Variants in CACNB2 observed in about 807,000 individuals in gnomAD.
CACNB2 encodes the protein calcium voltage-gated channel auxiliary subunit beta 2.
CACNB2 carries 42 observed loss-of-function variants against 73.3 expected under a neutral mutation model. The ratio of observed to expected loss-of-function variants is 0.57; its 90% confidence interval spans 0.45 to 0.74. The LOEUF is 0.74. CACNB2 is among the 30% of genes least tolerant of loss of function. The pLI, the probability that CACNB2 is intolerant of heterozygous loss-of-function variation, is 0.00. For synonymous variants in CACNB2, 348 were observed against 310.3 expected, an observed-to-expected ratio of 1.12 and a Z score of -1.28; for missense variants, 940 against 853.0, an observed-to-expected ratio of 1.10 and a Z score of -1.27.
intron 3 of CACNB2, among the ~76,000 whole-genome samples, chr10:18,498,153 G>C (rs926504325): frequency 2.6e-5 from 4 of 152,162 alleles, no homozygotes; most frequent in African/African-American, 7.2e-5. Context: ...TTCTAGTTCA[G>C]AAATGGGTGT....
In CACNB2 at chr10:18,382,571, G is replaced by A. The variant is rs545051358; in HGVS notation, c.214-19353G>A. 5.3e-5 allele frequency among the ~76,000 whole-genome samples: 8 copies of A among 152,110 alleles called. No homozygotes were observed. The East Asian group carries it at 1.2e-3, about 22-fold the overall frequency. ...CACCCACCAACAGGCCCCAGTGTGC[G>A]TTGTTCCCCTCCCTGTGTCCGTGTG... On this transcript the variant is annotated intron_variant, in intron 2 of 13. Transcript: ENST00000324631.
intron 2 of CACNB2, among the ~76,000 whole-genome samples, chr10:18,283,368 C>T (rs1462609445): frequency 1.3e-5 from 2 of 152,050 alleles, no homozygotes; most frequent in Non-Finnish European, 2.9e-5. Flanking sequence ...GACACATGCA[C>T]AGGTATATTT....
intron 3 of CACNB2, among the ~76,000 whole-genome samples, chr10:18,410,410 A>G (rs1408247421): frequency 6.6e-6 from 1 of 152,218 alleles, no homozygotes; most frequent in Non-Finnish European, 1.5e-5. Flanking sequence ...TAGTTCATAA[A>G]TGCCTTACAG....
At chr10:18,499,339 T>G (rs536150425) in intron 4 of CACNB2, among the ~76,000 whole-genome samples, 11 of 152,138 alleles carry the variant, frequency 7.2e-5, no homozygotes, top group African/African-American at 9.7e-5. Flanking sequence ...AACCTAGGGC[T>G]GGGCCCGGTG....
rs1025783003 is a variant in CACNB2, at chr10:18,534,284, T to C, written c.1206+57T>C. On this transcript the variant is annotated intron_variant, in intron 11 of 13. Coordinates refer to ENST00000324631, the MANE Select transcript of CACNB2 (RefSeq NM_201596.3). The stretch of plus-strand genomic sequence containing the variant: ...TCAAACTTTCCTAAAATGTATTTTA[T>C]GTTCTGCTTTCTATAATTAGGCTAT... The C allele has an allele frequency of 3.5e-6, 5 of 1,417,840 alleles. No individual in the cohort carries two copies. In the African/African-American group the frequency reaches 7.0e-5, roughly 20 times the overall value. The allele number at this position is 1,417,840 out of a possible 1,614,324, so 87.8% of individuals were successfully genotyped here.
At chr10:18,224,418 C>T (rs1432044684) in intron 2 of CACNB2, 3 of 151,656 alleles carry the variant, frequency 2.0e-5, no homozygotes, top group Admixed American at 6.6e-5. Context: ...GAGTTTCATA[C>T]AAAATTAAAG....
intron 2 of CACNB2, among the ~76,000 whole-genome samples, chr10:18,401,637 T>C (rs971631370): frequency 6.6e-6 from 1 of 152,192 alleles, no homozygotes. Context: ...CACTGCACCA[T>C]CAAGCTGTTT....
chr10:18,381,978 C>T (rs1424719098), intron 2 of CACNB2, among the ~76,000 whole-genome samples: 1 of 151,942 alleles, frequency 6.6e-6, no homozygotes, highest in African/African-American at 2.4e-5. Flanking sequence ...ATGACAAGCA[C>T]AAAAGCATAA....
At chr10:18,493,548 A>G (rs573590896) in intron 3 of CACNB2, among the ~76,000 whole-genome samples, 7 of 152,146 alleles carry the variant, frequency 4.6e-5, no homozygotes, top group African/African-American at 1.7e-4. Flanking sequence ...TTATCAAGGG[A>G]TGACTATACA....
At chr10:18,249,391 A>G (rs1387881327) in intron 2 of CACNB2, among the ~76,000 whole-genome samples, 2 of 149,676 alleles carry the variant, frequency 1.3e-5, no homozygotes, top group African/African-American at 2.5e-5. Context: ...CTATTCCAAG[A>G]AAAAAAAATG....
chr10:18,229,200 T>G (rs992407497), intron 2 of CACNB2, among the ~76,000 whole-genome samples: 8 of 152,212 alleles, frequency 5.3e-5, no homozygotes, highest in African/African-American at 1.7e-4. Flanking sequence ...ATGCATAATA[T>G]TAGAATATTA....
chr10:18,305,641 C>T (rs1185531722), intron 2 of CACNB2, among the ~76,000 whole-genome samples: 2 of 152,098 alleles, frequency 1.3e-5, no homozygotes, highest in African/African-American at 2.4e-5. Flanking sequence ...AGTTAGTTTT[C>T]AAGACAAACT....
intron 2 of CACNB2, among the ~76,000 whole-genome samples, chr10:18,289,481 A>C (rs185183241): frequency 2.0e-4 from 30 of 151,820 alleles, no homozygotes; most frequent in African/African-American, 6.8e-4. Context: ...TTTTTAGTAG[A>C]GATGGAGTTT....
intron 2 of CACNB2, chr10:18,340,791 C>G (rs1050966534): frequency 1.3e-6 from 2 of 1,589,530 alleles, no homozygotes; most frequent in African/African-American, 2.7e-5. Flanking sequence ...ACACCCCAAG[C>G]CAGCAAGAAA....
chr10:18,214,911 T>C (rs2035453655), intron 2 of CACNB2, among the ~76,000 whole-genome samples: 1 of 152,186 alleles, frequency 6.6e-6, no homozygotes, highest in South Asian at 2.1e-4. Context: ...ACGCCAGGGA[T>C]TTTTTGCCCA....
At chr10:18,285,867 T>A (rs75700087) in intron 2 of CACNB2, among the ~76,000 whole-genome samples, 2,831 of 152,318 alleles carry the variant, frequency 0.019, 89 homozygotes, top group African/African-American at 0.066. Context: ...ATCATAACCT[T>A]ACAGATGAAA....
At position 18,462,036 on chromosome 10, in the gene CACNB2, C is replaced by T. The variant is rs201411739; in HGVS notation, c.334-36319C>T. Among the ~76,000 whole-genome samples, 6 of 152,096 alleles carry T rather than the reference C, an allele frequency of 3.9e-5. No individual in the cohort carries two copies. In the East Asian group the frequency reaches 1.2e-3, roughly 29 times the overall value. On this transcript the variant is annotated intron_variant, in intron 3 of 13. Coordinates refer to ENST00000324631, the MANE Select transcript of CACNB2 (RefSeq NM_201596.3). ...CACCCTCACAGCCAGGAATCTATCC[C>T]GTTCTAGAGAATCGGTACTGTGTTT...
In CACNB2 at chr10:18,539,211, G is replaced by T; in HGVS notation, c.1489-19G>T. 1 of 1,613,918 alleles carries T rather than the reference G, an allele frequency of 6.2e-7. No individual in the cohort carries two copies. The highest frequency in any genetic ancestry group is 1.3e-5 in the African/African-American group (1 of 75,002). On this transcript the variant is annotated intron_variant, in intron 13 of 13. Transcript: ENST00000324631. ...ACACTGACCTTGGTTAACGCCTGGT[G>T]TGCTCCTTTCGCTGCCAGGGTTCTC...
At chr10:18,374,085 GGAA>G (rs1269454078) in intron 2 of CACNB2, among the ~76,000 whole-genome samples, 5 of 152,208 alleles carry the variant, frequency 3.3e-5, no homozygotes, top group African/African-American at 9.7e-5. Flanking sequence ...GAATGGTAGA[GGAA>G]GAAGAAGCTA....
Sources: gnomAD v4.1 joint callset for allele counts (sites outside exome capture counted in the v4.1 genomes callset) on GRCh38, gnomAD v4.1.1 for gene constraint, MANE v1.5 for transcripts, NCBI Gene and HGNC (gene_info 2026-07-23, HGNC 2026-07-21) for gene names.